CSMD1: variants seen among roughly 807,000 people sequenced by gnomAD.
CSMD1 encodes CUB and sushi domain-containing protein 1.
CSMD1 carries 213 observed loss-of-function variants against 417.5 expected under a neutral mutation model. The observed-to-expected ratio is 0.51, with a 90% CI of 0.46 to 0.57. The LOEUF (loss-of-function observed/expected upper bound fraction) is 0.57. Ranked by LOEUF, CSMD1 falls within the 20% of genes least tolerant of loss-of-function variation. The pLI, the probability that CSMD1 is intolerant of heterozygous loss-of-function variation, is 0.00. For synonymous variants in CSMD1, 2,862 were observed against 1,736.8 expected (o/e 1.65, Z -16.11); for missense variants, 6,923 against 4,529.7 (o/e 1.53, Z -15.17).
chr8:3,316,308 A>C (rs1805754088), intron 23 of CSMD1, among the ~76,000 whole-genome samples: 1 of 152,174 alleles, frequency 6.6e-6, no homozygotes, highest in Admixed American at 6.5e-5. Flanking sequence ...AAAATAAAGG[A>C]AAATAATGAG....
chr8:3,571,000 T>C (rs1358931907), intron 10 of CSMD1, among the ~76,000 whole-genome samples: 1 of 152,250 alleles, frequency 6.6e-6, no homozygotes, highest in Non-Finnish European at 1.5e-5. Context: ...TTTATGATTA[T>C]TGATGTATAA....
intron 3 of CSMD1, among the ~76,000 whole-genome samples, chr8:4,286,496 G>C (rs1001228723): frequency 1.3e-5 from 2 of 152,000 alleles, no homozygotes; most frequent in Non-Finnish European, 2.9e-5. Flanking sequence ...AGACGGTTGT[G>C]GCACAGGAAG....
intron 6 of CSMD1, among the ~76,000 whole-genome samples, chr8:3,740,228 C>T (rs2954232): frequency 0.84 from 127,672 of 152,146 alleles, 54,129 homozygotes; most frequent in Admixed American, 0.91. Flanking sequence ...GCCTCAGCCT[C>T]CCAAGTTGCT....
chr8:3,393,396 T>G (rs1365165197), intron 17 of CSMD1, among the ~76,000 whole-genome samples: 1 of 152,234 alleles, frequency 6.6e-6, no homozygotes. Context: ...CAGAACTTTA[T>G]GACTCTCACA....
chr8:4,777,506 C>T (rs552778635), intron 1 of CSMD1, among the ~76,000 whole-genome samples: 7 of 152,154 alleles, frequency 4.6e-5, no homozygotes, highest in Non-Finnish European at 8.8e-5. Context: ...AAACAATCAT[C>T]CCAGTGTATA....
intron 34 of CSMD1, among the ~76,000 whole-genome samples, 158 bp downstream of exon 34, chr8:3,189,754 G>A (rs923555955): frequency 2.2e-5 from 3 of 135,948 alleles, no homozygotes; most frequent in African/African-American, 7.5e-5. Context: ...TAATTTTTAG[G>A]GTTTGGCTAC....
chr8:3,065,303 G>A (rs35472610), intron 49 of CSMD1, among the ~76,000 whole-genome samples: 30,190 of 149,194 alleles, frequency 0.2, 3,446 homozygotes, highest in Non-Finnish European at 0.26. Flanking sequence ...AGATAGATAG[G>A]TAGATAGATA....
chr8:4,190,400 G>T (rs960312034), intron 3 of CSMD1, among the ~76,000 whole-genome samples: 1 of 152,058 alleles, frequency 6.6e-6, no homozygotes, highest in African/African-American at 2.4e-5. Context: ...TGACAGAATG[G>T]TTATGACATT....
rs1285438597 is a variant in CSMD1 at position 3,440,779 on chromosome 8, GTTT to G, written c.1561+27930_1561+27932del. Among the ~76,000 whole-genome samples the G allele has an allele frequency of 2.6e-5, 4 of 151,914 alleles. No individual in the cohort carries two copies. The South Asian group carries it at 8.3e-4, about 31-fold the overall frequency. On this transcript the variant is annotated intron_variant, in intron 12 of 69. Coordinates refer to ENST00000635120, the MANE Select transcript of CSMD1 (RefSeq NM_033225.6). ...TAAGGTTAATTCTAAGTGTTTTTTT[GTTT>G]TGTTTTGTTGTTTTGTAAGTGCTCT...
chr8:4,038,467 G>A (rs112089179), intron 3 of CSMD1, among the ~76,000 whole-genome samples: 4 of 152,038 alleles, frequency 2.6e-5, no homozygotes, highest in Non-Finnish European at 5.9e-5. Context: ...TTTAGTGTTC[G>A]AGAAAAACTA....
chr8:3,714,827 A>G (rs145010835), intron 6 of CSMD1, among the ~76,000 whole-genome samples: 1 of 152,154 alleles, frequency 6.6e-6, no homozygotes. Flanking sequence ...CAAGATAAAA[A>G]TTAAACTGTT....
intron 7 of CSMD1, among the ~76,000 whole-genome samples, chr8:3,674,533 T>C (rs577080013): frequency 2.6e-5 from 4 of 152,168 alleles, no homozygotes; most frequent in East Asian, 3.9e-4. Flanking sequence ...AATTTAACAA[T>C]ATTATTAATT....
At chr8:4,668,620 T>C (rs866726424) in intron 1 of CSMD1, among the ~76,000 whole-genome samples, 6 of 151,884 alleles carry the variant, frequency 4.0e-5, no homozygotes, top group South Asian at 4.2e-4. Flanking sequence ...TGGCTAATTT[T>C]TTTGCATTTT....
intron 7 of CSMD1, among the ~76,000 whole-genome samples, chr8:3,663,609 G>A (rs932490951): frequency 2.6e-5 from 4 of 152,154 alleles, no homozygotes; most frequent in Admixed American, 1.3e-4. Flanking sequence ...ACCCATATCT[G>A]ATTGCCTCCT....
intron 10 of CSMD1, among the ~76,000 whole-genome samples, chr8:3,531,094 C>G (rs1458503118): frequency 1.3e-5 from 2 of 151,920 alleles, no homozygotes; most frequent in Non-Finnish European, 1.5e-5. Flanking sequence ...CTCCTGACCT[C>G]AGGTGACCTG....
chr8:2,936,501 A>T lies in CSMD1; in HGVS notation c.*2084T>A, dbSNP rs1189126621. 1 of 151,686 alleles carries T rather than the reference A, an allele frequency of 6.6e-6. No homozygotes were observed. The highest frequency in any genetic ancestry group is 1.5e-5 in the Non-Finnish European group (1 of 67,980). The allele number at this position is 151,686 out of a possible 1,614,324, so 9.4% of individuals were successfully genotyped here. ...GTTCAATGTGTGTGTTAGGAGCACGACTCCCGCTGACCTCGTCCCGTCTAC... is the reference window on the plus strand; with the variant it reads ...GTTCAATGTGTGTGTTAGGAGCACGTCTCCCGCTGACCTCGTCCCGTCTAC... On this transcript the variant is annotated 3_prime_UTR_variant, in exon 70 of 70. Transcript: ENST00000635120.
chr8:3,759,837 G>A (rs976876781), intron 5 of CSMD1, among the ~76,000 whole-genome samples: 8 of 150,518 alleles, frequency 5.3e-5, no homozygotes, highest in Non-Finnish European at 1.0e-4. Flanking sequence ...GAACCTGAGA[G>A]GCAGAGGTTG....
intron 5 of CSMD1, among the ~76,000 whole-genome samples, chr8:3,795,065 T>C (rs77794050): frequency 0.73 from 56,886 of 77,974 alleles, 22,991 homozygotes; most frequent in East Asian, 0.76. Flanking sequence ...GCTATAGATA[T>C]ATATCTATCA....
At chr8:4,174,973 CTT>C (rs1797963616) in intron 3 of CSMD1, among the ~76,000 whole-genome samples, 1 of 151,308 alleles carries the variant, frequency 6.6e-6, no homozygotes, top group Non-Finnish European at 1.5e-5. Flanking sequence ...ATTGATGGCT[CTT>C]TGAGATACTT....
Sources: allele counts gnomAD v4.1 joint callset (sites outside exome capture counted in the v4.1 genomes callset), GRCh38; gene constraint gnomAD v4.1.1; transcripts MANE v1.5; gene names NCBI Gene and HGNC (gene_info 2026-07-23, HGNC 2026-07-21).